The following GLS variants were observed in gnomAD, a reference collection of about 807,000 sequenced individuals.
GLS encodes glutaminase kidney isoform, mitochondrial.
In GLS, 36 loss-of-function variants were observed where a neutral mutation model predicts 86.7. That is an observed-to-expected ratio of 0.42 (90% CI 0.32 to 0.55). GLS has a LOEUF of 0.55. Ranked by LOEUF, GLS falls within the 20% of genes least tolerant of loss-of-function variation. GLS has a pLI of 0.17. For missense variants in GLS, 528 were observed against 833.4 expected (o/e 0.63, Z 4.51); for synonymous variants, 317 against 305.9 (o/e 1.04, Z -0.38).
rs755011218 is a variant in GLS, at chr2:190,895,307, A to G, written c.483+59A>G. On this transcript the variant is annotated intron_variant, in intron 2 of 17. Coordinates refer to ENST00000320717, the MANE Select transcript of GLS (RefSeq NM_014905.5). This position sits in a 1 kb window ranked among gnomAD's most constrained non-coding sequence, Gnocchi z 4.2. The stretch of plus-strand genomic sequence containing the variant: ...AAAATCAATAATAATAAATATATAC[A>G]GTATTATTGAAATATAGTCTTAAAG... 9 of 680,596 alleles carry G rather than the reference A, an allele frequency of 1.3e-5. No homozygotes were observed. In the Admixed American group the frequency reaches 1.9e-4, roughly 14 times the overall value. The allele number at this position is 680,596 out of a possible 1,614,324, so 42.2% of individuals were successfully genotyped here.
chr2:190,930,597 G>A lies in GLS; in HGVS notation c.1557+29G>A, dbSNP rs935182014. ...AGCATATTTTCTTAATGTAAATAAT[G>A]GTGTTACAAGTTGAGCCATCCAATG... On this transcript the variant is annotated intron_variant, in intron 13 of 17. Coordinates refer to ENST00000320717, the MANE Select transcript of GLS (RefSeq NM_014905.5). The surrounding 1 kb of genome is among the most constrained non-coding windows in gnomAD (Gnocchi z 5.0). 1.3e-6 allele frequency: 2 copies of A among 1,584,744 alleles called. No homozygotes were observed. The highest frequency in any genetic ancestry group is 1.7e-6 in the Non-Finnish European group (2 of 1,164,830).
At chr2:190,904,941 C>T in intron 5 of GLS, 63 bp from the exon 6 acceptor site, 7 of 918,318 alleles carry the variant, frequency 7.6e-6, no homozygotes, top group East Asian at 2.5e-5. Flanking sequence ...AGAATAATTC[C>T]AACTATGCAG....
Position 190,947,906 on chromosome 2 carries a change from TGG to T in GLS, c.1651-5658_1651-5657del, listed in dbSNP as rs1189486978. ...GTGTCAGCTTAGTTGGAAATACTCG[TGG>T]CGCTCTTTAACAGACCAGGAAGCAG... is the stretch of plus-strand genomic sequence containing the variant. On this transcript the variant is annotated intron_variant, in intron 14 of 17. Coordinates refer to ENST00000320717, the MANE Select transcript of GLS (RefSeq NM_014905.5). This position sits in a 1 kb window ranked among gnomAD's most constrained non-coding sequence, Gnocchi z 5.0. 3.3e-5 allele frequency among the ~76,000 whole-genome samples: 5 copies of T among 152,196 alleles called. No individual in the cohort carries two copies. Among genetic ancestry groups the T allele is most frequent in the Admixed American group, 3.3e-4 (5 of 15,274 alleles).
rs1044013431 is a variant in GLS at position 190,951,950 on chromosome 2, A to G, written c.1651-1615A>G. Among the ~76,000 whole-genome samples, 6 of 152,328 alleles carry G rather than the reference A, an allele frequency of 3.9e-5. No individual in the cohort carries two copies. In the Middle Eastern group the frequency reaches 0.01, roughly 259 times the overall value. On this transcript the variant is annotated intron_variant, in intron 14 of 17. Coordinates refer to ENST00000320717, the MANE Select transcript of GLS (RefSeq NM_014905.5). This position sits in a 1 kb window ranked among gnomAD's most constrained non-coding sequence, Gnocchi z 4.2. ...CTGAGCATGTTGGCTCATGCCTGTA[A>G]TCCCAACAGTTTGGGAGGCCAAGGC...
rs776277087 is a variant in GLS, at chr2:190,920,983, G to A, written c.1039-41G>A. ...ATTGGCTTGAAACTTAACTGTAGTG[G>A]TACCTATATTAACGTATTTATGTCT... is the stretch of plus-strand genomic sequence containing the variant. On this transcript the variant is annotated intron_variant, in intron 7 of 17. Transcript: ENST00000320717. The surrounding 1 kb of genome is among the most constrained non-coding windows in gnomAD (Gnocchi z 4.2). 9.3e-6 allele frequency: 10 copies of A among 1,075,874 alleles called. No homozygotes were observed. Among genetic ancestry groups the A allele is most frequent in the African/African-American group, 3.1e-5 (2 of 64,410 alleles). 66.6% of individuals were successfully genotyped at this position (1,075,874 alleles called of 1,614,324 possible).
chr2:190,894,208 C>G (rs1343970320), intron 1 of GLS, among the ~76,000 whole-genome samples: 2 of 152,186 alleles, frequency 1.3e-5, no homozygotes, highest in Non-Finnish European at 2.9e-5. Context: ...GCTCAAGTCT[C>G]TTATGTAAAA....
At position 190,954,682 on chromosome 2, in the gene GLS, T is replaced by C. The variant is rs1038824475; in HGVS notation, c.1789+22T>C. 4 of 1,606,990 alleles carry C rather than the reference T, an allele frequency of 2.5e-6. No homozygotes were observed. Among genetic ancestry groups the C allele is most frequent in the African/African-American group, 1.3e-5 (1 of 74,926 alleles). On this transcript the variant is annotated intron_variant, in intron 16 of 17. Transcript: ENST00000320717. This position sits in a 1 kb window ranked among gnomAD's most constrained non-coding sequence, Gnocchi z 4.0. ...GAGGGTAATACAGGAACTACTCCTA[T>C]CTATTTTCTTTCCAGATTTAATTTC...
chr2:190,912,118 G>A (rs899561431), intron 7 of GLS, among the ~76,000 whole-genome samples: 2 of 152,052 alleles, frequency 1.3e-5, no homozygotes, highest in African/African-American at 4.8e-5. Context: ...ATTTTAGTAT[G>A]AGTGATTATA....
intron 14 of GLS, among the ~76,000 whole-genome samples, chr2:190,940,836 A>G (rs1690405895): frequency 6.6e-6 from 1 of 151,772 alleles, no homozygotes; most frequent in Admixed American, 6.6e-5. Context: ...ATCCAAGATT[A>G]GATCCCTCTA....
At position 190,919,787 on chromosome 2, in the gene GLS, T is replaced by C. The variant is rs550361556; in HGVS notation, c.1039-1237T>C. ...GAAAAAATTATGTCAAAGGATACTT[T>C]AGAGAAAATACATAGATAGTGATTA... On this transcript the variant is annotated intron_variant, in intron 7 of 17. Coordinates refer to ENST00000320717, the MANE Select transcript of GLS (RefSeq NM_014905.5). 3.9e-4 allele frequency: 144 copies of C among 373,940 alleles called. 1 individual carries two copies. In the South Asian group the frequency reaches 0.015, roughly 38 times the overall value. The allele number at this position is 373,940 out of a possible 1,614,324, so 23.2% of individuals were successfully genotyped here. A position where few individuals can be genotyped will look rare whatever the true frequency, so the allele number is the denominator to read the frequency against.
chr2:190,888,713 A>G (rs542755646), intron 1 of GLS, among the ~76,000 whole-genome samples: 1 of 152,286 alleles, frequency 6.6e-6, no homozygotes, highest in African/African-American at 2.4e-5. Flanking sequence ...ATTTATTGGT[A>G]AGTTCTCTCA....
chr2:190,953,950 ATGTGTGTGTGTG>A lies in GLS; in HGVS notation c.1712+359_1712+370del, dbSNP rs57991546. The stretch of plus-strand genomic sequence containing the variant: ...CTACCCTCCATTCCCAATCTTTGAT[ATGTGTGTGTGTG>A]TGTGTGTGTGTGTGTGTGTGTGTGT... On this transcript the variant is annotated intron_variant, in intron 15 of 17. Transcript: ENST00000320717. This position sits in a 1 kb window ranked among gnomAD's most constrained non-coding sequence, Gnocchi z 4.0. 0.017 allele frequency among the ~76,000 whole-genome samples: 2,376 copies of A among 136,756 alleles called. 80 individuals are homozygous for A. Among genetic ancestry groups the A allele is most frequent in the African/African-American group, 0.06 (2,164 of 36,246 alleles). The allele number at this position is 136,756 out of a possible 152,430, so 89.7% of individuals were successfully genotyped here. A position where few individuals can be genotyped will look rare whatever the true frequency, so the allele number is the denominator to read the frequency against.
At position 190,881,380 on chromosome 2, in the gene GLS, C is replaced by A; in HGVS notation, c.296C>A (p.Ala99Asp). ...HPQPGVSPPA[A>D]PAAPGPKDGP... Reference sequence around the variant, plus strand: ...CAGCCCGGGGTGTCGCCACCCGCTGCCCCGGCGGCGCCCGGCCCCAAGGAC... The same window carrying A: ...CAGCCCGGGGTGTCGCCACCCGCTGACCCGGCGGCGCCCGGCCCCAAGGAC... Residue 99 changes from alanine to aspartate, a missense_variant, in exon 1 of 18, where the codon GCC (alanine) becomes GAC (aspartate). Ala to Asp is a moderately radical substitution (Grantham distance 126). This residue lies in a region of GLS where 224 missense variants were observed against 187.9 expected (regional missense o/e 1.19). Transcript: ENST00000320717. 1 of 1,540,826 alleles carries A rather than the reference C, an allele frequency of 6.5e-7. No homozygotes were observed. The highest frequency in any genetic ancestry group is 8.7e-7 in the Non-Finnish European group (1 of 1,143,136).
rs1690803750 is a variant in GLS, at chr2:190,954,327, A to G, written c.1713-257A>G. Among the ~76,000 whole-genome samples the G allele has an allele frequency of 6.6e-6, 1 of 152,158 alleles. No individual in the cohort carries two copies. Among genetic ancestry groups the G allele is most frequent in the South Asian group, 2.1e-4 (1 of 4,828 alleles). Reference sequence around the variant, plus strand: ...CATAATTCTTAAGTTGCGAACAATAATGTAATAAAGTTTAATTCTGTGAGA... The same window carrying G: ...CATAATTCTTAAGTTGCGAACAATAGTGTAATAAAGTTTAATTCTGTGAGA... On this transcript the variant is annotated intron_variant, in intron 15 of 17. Coordinates refer to ENST00000320717, the MANE Select transcript of GLS (RefSeq NM_014905.5). This position sits in a 1 kb window ranked among gnomAD's most constrained non-coding sequence, Gnocchi z 4.0.
At chr2:190,942,928 G>A (rs1235236698) in intron 14 of GLS, among the ~76,000 whole-genome samples, 1 of 152,136 alleles carries the variant, frequency 6.6e-6, no homozygotes, top group Admixed American at 6.5e-5. Flanking sequence ...TATCAACTTA[G>A]AGTTGCAAGG....
Position 190,953,511 on chromosome 2 carries a change from C to T in GLS, c.1651-54C>T, listed in dbSNP as rs190547245. 87 of 1,132,646 alleles carry T rather than the reference C, an allele frequency of 7.7e-5. No homozygotes were observed. In the East Asian group the frequency reaches 1.8e-3, roughly 24 times the overall value. The allele number at this position is 1,132,646 out of a possible 1,614,324, so 70.2% of individuals were successfully genotyped here. ...AAATCACTTGCCAGTGACAGGTGGA[C>T]GTTGTATGTGTTTTCTCTCTCCTAA... On this transcript the variant is annotated intron_variant, in intron 14 of 17. Transcript: ENST00000320717. This position sits in a 1 kb window ranked among gnomAD's most constrained non-coding sequence, Gnocchi z 4.0.
chr2:190,948,150 A>G (rs1048070534), intron 14 of GLS, among the ~76,000 whole-genome samples: 13 of 152,262 alleles, frequency 8.5e-5, no homozygotes, highest in African/African-American at 3.1e-4. Flanking sequence ...TTTGGAGAGA[A>G]TTACACTCAC....
In GLS at chr2:190,895,143, C is replaced by T; in HGVS notation, c.387-9C>T. The T allele has an allele frequency of 8.3e-7, 1 of 1,211,762 alleles. No individual in the cohort carries two copies. The highest frequency in any genetic ancestry group is 1.3e-5 in the South Asian group (1 of 75,912). 75.1% of individuals were successfully genotyped at this position (1,211,762 alleles called of 1,614,324 possible). On this transcript the variant is annotated splice_polypyrimidine_tract_variant and intron_variant, in intron 1 of 17. Transcript: ENST00000320717. The surrounding 1 kb of genome is among the most constrained non-coding windows in gnomAD (Gnocchi z 4.2). ...AAGGATTAATTTTGTGTTCTTTCTA[C>T]CTCTTTAGTAAAATAAAACAGGGTC... is the stretch of plus-strand genomic sequence containing the variant.
Position 190,924,022 on chromosome 2 carries a change from A to C in GLS, c.1197+39A>C. 1 of 969,882 alleles carries C rather than the reference A, an allele frequency of 1.0e-6. No homozygotes were observed. The highest frequency in any genetic ancestry group is 1.4e-5 in the South Asian group (1 of 71,184). 60.1% of individuals were successfully genotyped at this position (969,882 alleles called of 1,614,324 possible). A position where few individuals can be genotyped will look rare whatever the true frequency, so the allele number is the denominator to read the frequency against. ...TGTTTCTATTTCAAATTATTCTTTC[A>C]TTTAATAAAATACATGAAGATGTAT... On this transcript the variant is annotated intron_variant, in intron 10 of 17. Coordinates refer to ENST00000320717, the MANE Select transcript of GLS (RefSeq NM_014905.5). This position sits in a 1 kb window ranked among gnomAD's most constrained non-coding sequence, Gnocchi z 5.2.
Sources: gnomAD v4.1 joint callset for allele counts (sites outside exome capture counted in the v4.1 genomes callset) on GRCh38, gnomAD v4.1.1 for gene constraint, gnomAD v4.1.1 regional missense constraint, Gnocchi (gnomAD v3.1) non-coding constraint, MANE v1.5 for transcripts, NCBI Gene and HGNC (gene_info 2026-07-23, HGNC 2026-07-21) for gene names.